GPC5: variants seen among roughly 807,000 people sequenced by gnomAD.
The protein encoded by GPC5 is glypican 5, also known as glypican-5.
A neutral mutation model predicts 53.9 loss-of-function variants in GPC5; 47 were observed. The observed-to-expected ratio is 0.87, with a 90% CI of 0.69 to 1.11. The LOEUF is 1.11. Ranked by LOEUF, GPC5 falls within the 50% of genes most tolerant of loss-of-function variation. The pLI is 0.00. For synonymous variants in GPC5, 286 were observed against 263.3 expected (o/e 1.09, Z -0.84); for missense variants, 748 against 713.1 (o/e 1.05, Z -0.56).
rs1365887699 is a variant in GPC5 at position 91,572,012 on chromosome 13, T to TGCATATACGTGTGTATATATGCATAC, written c.326-121175_326-121174insGCATATACGTGTGTATATATGCATAC. Among the ~76,000 whole-genome samples, 587 of 127,734 alleles carry TGCATATACGTGTGTATATATGCATAC rather than the reference T, an allele frequency of 4.6e-3. 75 individuals carry two copies. Among genetic ancestry groups the TGCATATACGTGTGTATATATGCATAC allele is most frequent in the African/African-American group, 0.022 (534 of 24,828 alleles). The allele number at this position is 127,734 out of a possible 152,430, so 83.8% of individuals were successfully genotyped here. ...ATGTGTATATGTGTATATATGCATA[T>TGCATATACGTGTGTATATATGCATAC]ATGCATATACGTGTGTATATATGTG... On this transcript the variant is annotated intron_variant, in intron 2 of 7. Coordinates refer to ENST00000377067, the MANE Select transcript of GPC5 (RefSeq NM_004466.6).
chr13:92,708,975 C>A (rs1046261183), intron 7 of GPC5, among the ~76,000 whole-genome samples: 1 of 135,072 alleles, frequency 7.4e-6, no homozygotes, highest in African/African-American at 2.8e-5. Flanking sequence ...CTCCACCTAC[C>A]ACATTCAAGT....
chr13:91,839,820 A>G lies in GPC5; in HGVS notation c.1281-68117A>G, dbSNP rs529262391. Reference sequence around the variant, plus strand: ...GACTAATAATTTTTTTTCAAATTGTATCATTCAGTATCATCAACAAGGTCT... The same window carrying G: ...GACTAATAATTTTTTTTCAAATTGTGTCATTCAGTATCATCAACAAGGTCT... On this transcript the variant is annotated intron_variant, in intron 5 of 7. Transcript: ENST00000377067. 1.6e-4 allele frequency among the ~76,000 whole-genome samples: 25 copies of G among 152,252 alleles called. 1 individual carries two copies. The South Asian group carries it at 5.2e-3, about 32-fold the overall frequency.
At chr13:92,786,858 C>T (rs575977022) in intron 7 of GPC5, among the ~76,000 whole-genome samples, 1 of 152,166 alleles carries the variant, frequency 6.6e-6, no homozygotes, top group African/African-American at 2.4e-5. Flanking sequence ...GGCCCCCGGA[C>T]ATGGAGAATG....
intron 6 of GPC5, among the ~76,000 whole-genome samples, chr13:91,977,406 G>C (rs2040313624): frequency 6.6e-6 from 1 of 152,146 alleles, no homozygotes; most frequent in Non-Finnish European, 1.5e-5. Context: ...AGCAATTGAA[G>C]ACACCCTTTT....
At chr13:91,511,204 A>G (rs150061799) in intron 2 of GPC5, among the ~76,000 whole-genome samples, 1 of 152,088 alleles carries the variant, frequency 6.6e-6, no homozygotes, top group African/African-American at 2.4e-5. Flanking sequence ...ATGCCTTTCT[A>G]TTGTTTTCTG....
intron 2 of GPC5, among the ~76,000 whole-genome samples, chr13:91,567,394 T>A (rs1218748326): frequency 6.6e-6 from 1 of 152,090 alleles, no homozygotes; most frequent in Non-Finnish European, 1.5e-5. Context: ...TAATTGAAAA[T>A]GGTGTTTTTA....
chr13:91,610,356 A>G (rs533707607), intron 2 of GPC5, among the ~76,000 whole-genome samples: 1 of 152,278 alleles, frequency 6.6e-6, no homozygotes, highest in South Asian at 2.1e-4. Context: ...CTCTGAATAT[A>G]CTATTTTTAT....
Position 92,367,508 on chromosome 13 carries a change from G to A in GPC5, c.1561+222519G>A, listed in dbSNP as rs572547102. 4.6e-5 allele frequency among the ~76,000 whole-genome samples: 7 copies of A among 152,154 alleles called. No homozygotes were observed. In the South Asian group the frequency reaches 1.5e-3, roughly 32 times the overall value. On this transcript the variant is annotated intron_variant, in intron 7 of 7. Coordinates refer to ENST00000377067, the MANE Select transcript of GPC5 (RefSeq NM_004466.6). Reference sequence around the variant, plus strand: ...TCCAAACTTTTGCCATTTTTTACCTGTTTCATATTAGTGATGTAAGGGTGA... The same window carrying A: ...TCCAAACTTTTGCCATTTTTTACCTATTTCATATTAGTGATGTAAGGGTGA...
Position 92,145,037 on chromosome 13 carries a change from A to G in GPC5, c.1561+48A>G, listed in dbSNP as rs755949954. 6.2e-6 allele frequency: 8 copies of G among 1,293,280 alleles called. No individual in the cohort carries two copies. The South Asian group carries it at 7.9e-5, about 13-fold the overall frequency. The allele number at this position is 1,293,280 out of a possible 1,614,324, so 80.1% of individuals were successfully genotyped here. A position where few individuals can be genotyped will look rare whatever the true frequency, so the allele number is the denominator to read the frequency against. On this transcript the variant is annotated intron_variant, in intron 7 of 7. Coordinates refer to ENST00000377067, the MANE Select transcript of GPC5 (RefSeq NM_004466.6). Reference sequence around the variant, plus strand: ...ACTTTTTTAAAACAATGATTTTGAAATATAATTAAAGATATTGTTATGGAT... The same window carrying G: ...ACTTTTTTAAAACAATGATTTTGAAGTATAATTAAAGATATTGTTATGGAT...
chr13:91,428,499 G>A (rs961822756), intron 1 of GPC5, among the ~76,000 whole-genome samples: 4 of 152,170 alleles, frequency 2.6e-5, no homozygotes, highest in Admixed American at 2.6e-4. Context: ...CCAATCAGGG[G>A]CTGCGTGCAC....
At chr13:91,978,404 C>T (rs899015111) in intron 6 of GPC5, among the ~76,000 whole-genome samples, 3 of 152,148 alleles carry the variant, frequency 2.0e-5, no homozygotes, top group South Asian at 2.1e-4. Flanking sequence ...TATTTGATGG[C>T]AGAGGTAGAT....
chr13:91,401,062 G>GCT (rs2138738865), intron 1 of GPC5, among the ~76,000 whole-genome samples: 1 of 152,240 alleles, frequency 6.6e-6, no homozygotes, highest in East Asian at 1.9e-4. Context: ...CACAGAAGAG[G>GCT]CTTAGAGACA....
intron 6 of GPC5, among the ~76,000 whole-genome samples, chr13:91,938,555 G>C (rs1283049261): frequency 6.6e-6 from 1 of 152,110 alleles, no homozygotes; most frequent in Non-Finnish European, 1.5e-5. Context: ...CTCTAGTGAT[G>C]CTCTACCAGT....
rs377335548 is a variant in GPC5 at position 92,128,713 on chromosome 13, C to G, written c.1402-16117C>G. Among the ~76,000 whole-genome samples, 9 of 152,054 alleles carry G rather than the reference C, an allele frequency of 5.9e-5. No homozygotes were observed. In the East Asian group the frequency reaches 1.4e-3, roughly 23 times the overall value. On this transcript the variant is annotated intron_variant, in intron 6 of 7. Coordinates refer to ENST00000377067, the MANE Select transcript of GPC5 (RefSeq NM_004466.6). ...GGTGTGGTGGCTTATGCCTGTAATC[C>G]CAGCACTTTGGGAAGCAGAAGCAGC...
intron 6 of GPC5, among the ~76,000 whole-genome samples, chr13:92,098,781 G>A (rs1274795973): frequency 6.6e-6 from 1 of 152,148 alleles, no homozygotes; most frequent in Non-Finnish European, 1.5e-5. Context: ...ACAGCTGTGT[G>A]ATGCTTCCTT....
In GPC5 at chr13:91,806,012, A is replaced by G. The variant is rs2038213265; in HGVS notation, c.1280+49592A>G. 3.3e-5 allele frequency among the ~76,000 whole-genome samples: 5 copies of G among 150,076 alleles called. No individual in the cohort carries two copies. The South Asian group carries it at 1.0e-3, about 31-fold the overall frequency. On this transcript the variant is annotated intron_variant, in intron 5 of 7. Transcript: ENST00000377067. Reference sequence around the variant, plus strand: ...TTTTGTTCTATGTGAACCTTCAACAAATACAATAATTTTTTTTTTTTTTTT... The same window carrying G: ...TTTTGTTCTATGTGAACCTTCAACAGATACAATAATTTTTTTTTTTTTTTT...
intron 2 of GPC5, among the ~76,000 whole-genome samples, chr13:91,537,024 A>G (rs1170780445): frequency 1.3e-5 from 2 of 152,228 alleles, no homozygotes; most frequent in African/African-American, 4.8e-5. Flanking sequence ...ACAATGTACC[A>G]AAACTTATTG....
intron 5 of GPC5, among the ~76,000 whole-genome samples, chr13:91,772,530 C>T (rs1249144121): frequency 2.6e-5 from 4 of 152,110 alleles, no homozygotes; most frequent in African/African-American, 9.6e-5. Context: ...TCTACTCTTC[C>T]CTTATAATTT....
At chr13:91,654,475 T>C (rs938363768) in intron 2 of GPC5, among the ~76,000 whole-genome samples, 47 of 152,160 alleles carry the variant, frequency 3.1e-4, no homozygotes, top group African/African-American at 1.1e-3. Flanking sequence ...AAGATATTTA[T>C]ATCACTCATG....
Sources: allele counts gnomAD v4.1 joint callset (sites outside exome capture counted in the v4.1 genomes callset), GRCh38; gene constraint gnomAD v4.1.1; transcripts MANE v1.5; gene names NCBI Gene and HGNC (gene_info 2026-07-23, HGNC 2026-07-21).